The following MFSD12 variants were observed in gnomAD, a reference collection of about 807,000 sequenced individuals.
MFSD12 encodes the protein major facilitator superfamily domain containing 12.
Under a neutral mutation model 51.2 loss-of-function variants are expected in MFSD12, and 67 were observed. That is an observed-to-expected ratio of 1.31 (90% CI 1.08 to 1.60). The LOEUF is 1.60. Ranked by LOEUF, MFSD12 falls within the 40% of genes most tolerant of loss-of-function variation. The pLI is 0.00. For synonymous variants in MFSD12, 441 were observed against 316.7 expected, an observed-to-expected ratio of 1.39 and a Z score of -4.17; for missense variants, 921 against 673.0, an observed-to-expected ratio of 1.37 and a Z score of -4.08.
chr19:3,547,861 G>A lies in MFSD12; in HGVS notation c.824C>T (p.Pro275Leu), dbSNP rs774454475. 35 of 1,513,478 alleles carry A rather than the reference G, an allele frequency of 2.3e-5. No homozygotes were observed. Among genetic ancestry groups the A allele is most frequent in the Admixed American group, 1.0e-4 (4 of 38,210 alleles). The allele number at this position is 1,513,478 out of a possible 1,614,324, so 93.8% of individuals were successfully genotyped here. ...LLLWKHWLRE[P>L]AFYQVGILYM... ...CCCAGCACGCACCTGGTAGAAAGCC[G>A]GCTCCCGGAGCCAGTGCTTCCAGAG... Residue 275 changes from proline (P) to leucine (L), a missense_variant, in exon 4 of 10, where the codon CCG becomes CTG. Coordinates refer to ENST00000355415, the MANE Select transcript of MFSD12 (RefSeq NM_174983.5).
At position 3,546,419 on chromosome 19, in the gene MFSD12, A is replaced by G. The variant is rs1433749835; in HGVS notation, c.1030T>C (p.Tyr344His). The part of the protein sequence containing the change: ...INKCIGRNMT[Y>H]FSGLLVILAF... ...AGGATCACCAGGAGGCCTGAGAAGT[A>G]GGTCATCTGCAGGGACAGCCCCGGG... The change falls in exon 7 of 10, where the codon TAC becomes CAC. Residue 344 changes from tyrosine (Y) to histidine (H), a missense_variant. Coordinates refer to ENST00000355415, the MANE Select transcript of MFSD12 (RefSeq NM_174983.5). 2 of 1,605,154 alleles carry G rather than the reference A, an allele frequency of 1.2e-6. No homozygotes were observed. The highest frequency in any genetic ancestry group is 2.2e-5 in the South Asian group (2 of 89,812).
downstream of MFSD12, chr19:3,541,484 G>C: frequency 6.0e-6 from 1 of 165,598 alleles, no homozygotes; most frequent in Non-Finnish European, 1.2e-5. Context: ...CACCACGCCC[G>C]GCTAATTTTT....
Position 3,546,167 on chromosome 19 carries a change from T to C in MFSD12, c.1196A>G (p.Asn399Ser), listed in dbSNP as rs769403603. 3 of 1,612,896 alleles carry C rather than the reference T, an allele frequency of 1.9e-6. No homozygotes were observed. The highest frequency in any genetic ancestry group is 8.5e-7 in the Non-Finnish European group (1 of 1,179,794). ...GGAGCCGTACACGAACGCTCCGCTG[T>C]TCTGTGGAGACACAGGCGAGGTGGT... ...MTADLIGPHT[N>S]SGAFVYGSMS... is the part of the protein sequence containing the mutation. Residue 399 changes from asparagine to serine, a missense_variant and splice_region_variant, in exon 8 of 10, where the codon AAC becomes AGC. Asn to Ser is a conservative substitution (Grantham distance 46). Transcript: ENST00000355415.
downstream of MFSD12, chr19:3,544,094 A>C: frequency 1.4e-6 from 2 of 1,439,458 alleles, no homozygotes; most frequent in Non-Finnish European, 9.2e-7. Context: ...GAGGCTCGGG[A>C]CAGAGGCAGA....
chr19:3,538,436 T>C (rs2030078833), exon 5 of MFSD12: 1 of 315,334 alleles, frequency 3.2e-6, no homozygotes, highest in Non-Finnish European at 6.3e-6. Context: ...TGTCACCTAG[T>C]CACCCCCAGG....
At position 3,546,347 on chromosome 19, in the gene MFSD12, C is replaced by T. The variant is rs201744425; in HGVS notation, c.1102G>A (p.Val368Met). Reference sequence around the variant, plus strand: ...CCCAGCAGCACAGCCGCTGCGTACACGGCCACACCCAGTCCCTCCGCCAGC... The same window carrying T: ...CCCAGCAGCACAGCCGCTGCGTACATGGCCACACCCAGTCCCTCCGCCAGC... ...VALAEGLGVA[V>M]YAAAVLLGAG... is the part of the protein sequence containing the mutation. Residue 368 changes from valine to methionine, a missense_variant, in exon 7 of 10, where the codon GTG (valine) becomes ATG (methionine). Physicochemically the swap from Val to Met is conservative, Grantham distance 21. Transcript: ENST00000355415. 1,079 of 1,607,720 alleles carry T rather than the reference C, an allele frequency of 6.7e-4. 4 individuals carry two copies. Among genetic ancestry groups the T allele is most frequent in the African/African-American group, 6.4e-3 (479 of 75,024 alleles).
At chr19:3,546,222 C>A (rs947995789) in intron 7 of MFSD12, 33 bp downstream of exon 7, 5 of 1,606,400 alleles carry the variant, frequency 3.1e-6, no homozygotes, top group Non-Finnish European at 4.3e-6. Context: ...TAGGACCCGG[C>A]CTCCCCCACC....
At chr19:3,539,610 C>G (rs2030194003), downstream of MFSD12, 1 of 264,020 alleles carries the variant, frequency 3.8e-6, no homozygotes, top group Non-Finnish European at 7.2e-6. Flanking sequence ...ACACCTCTTG[C>G]AGCCCGTGGT....
At position 3,546,122 on chromosome 19, in the gene MFSD12, ACCTTAT is replaced by A; in HGVS notation, c.1235_1240del (p.Asp412_Lys413del). 3 of 1,613,324 alleles carry A rather than the reference ACCTTAT, an allele frequency of 1.9e-6. No homozygotes were observed. The highest frequency in any genetic ancestry group is 1.7e-6 in the Non-Finnish European group (2 of 1,179,994). On this transcript the variant is annotated inframe_deletion, in exon 8 of 10. Coordinates refer to ENST00000355415, the MANE Select transcript of MFSD12 (RefSeq NM_174983.5). ...GGCCATGACTGCCAGCCCATTGGCC[ACCTTAT>A]CCAAGAAGCTCATGGAGCCGTACAC... is the stretch of plus-strand genomic sequence containing the variant.
At chr19:3,554,740 G>T (rs1195159676) in intron 1 of MFSD12, among the ~76,000 whole-genome samples, 2 of 152,218 alleles carry the variant, frequency 1.3e-5, no homozygotes, top group African/African-American at 4.8e-5. Context: ...TCTGAGGGTC[G>T]TCTCGGGATT....
chr19:3,543,157 AC>A (rs1217446577), downstream of MFSD12: 5 of 1,514,216 alleles, frequency 3.3e-6, no homozygotes, highest in Non-Finnish European at 4.4e-6. Flanking sequence ...TACATCATCC[AC>A]CCTGGCAGAC....
chr19:3,544,041 C>G (rs947870389), downstream of MFSD12: 5 of 1,505,472 alleles, frequency 3.3e-6, no homozygotes, highest in African/African-American at 6.9e-5. Flanking sequence ...CCCACTGTCT[C>G]TGCACCCAGA....
chr19:3,542,343 T>C, downstream of MFSD12: 2 of 985,410 alleles, frequency 2.0e-6, no homozygotes, highest in Non-Finnish European at 2.4e-6. Context: ...AACCGGGCTT[T>C]CCGTGCAGGG....
At chr19:3,548,643 T>C (rs1776941888) in intron 2 of MFSD12, among the ~76,000 whole-genome samples, 2 of 152,002 alleles carry the variant, frequency 1.3e-5, no homozygotes, top group African/African-American at 4.8e-5. Flanking sequence ...TCTAGAACCA[T>C]CCAGGCCAGC....
In MFSD12 at chr19:3,548,005, A is replaced by C; in HGVS notation, c.680T>G (p.Val227Gly). Residue 227 changes from valine to glycine, a missense_variant, in exon 4 of 10, where the codon GTC (valine) becomes GGC (glycine). Val to Gly is a moderately radical substitution (Grantham distance 109). Coordinates refer to ENST00000355415, the MANE Select transcript of MFSD12 (RefSeq NM_174983.5). ...GAATAGCAGTGAGAACACGGCGCCGACACCCACCACCAGCAGGGACAGGTT... is the reference window on the plus strand; with the variant it reads ...GAATAGCAGTGAGAACACGGCGCCGCCACCCACCACCAGCAGGGACAGGTT... ...FRNLSLLVVG[V>G]GAVFSLLFHL... 6 of 1,598,936 alleles carry C rather than the reference A, an allele frequency of 3.8e-6. No homozygotes were observed. Among genetic ancestry groups the C allele is most frequent in the Non-Finnish European group, 5.1e-6 (6 of 1,179,342 alleles).
At chr19:3,538,576 T>A in exon 5 of MFSD12, 1 of 407,028 alleles carries the variant, frequency 2.5e-6, no homozygotes, top group South Asian at 1.8e-5. Context: ...GAGCGTGACA[T>A]CCTCAAGGTG....
chr19:3,550,108 A>G (rs534300534), intron 2 of MFSD12, among the ~76,000 whole-genome samples: 1 of 152,214 alleles, frequency 6.6e-6, no homozygotes, highest in African/African-American at 2.4e-5. Context: ...ACGTGAGCAT[A>G]GAGGAGGGAC....
chr19:3,544,778 T>G (rs371360921), intron 9 of MFSD12, 31 bp downstream of exon 9: 1 of 1,525,832 alleles, frequency 6.6e-7, no homozygotes, highest in Non-Finnish European at 9.0e-7. Context: ...TGGGTCAGTG[T>G]CTGGGGAGGG....
intron 2 of MFSD12, among the ~76,000 whole-genome samples, chr19:3,549,319 T>C (rs1271199485): frequency 1.3e-5 from 2 of 152,198 alleles, no homozygotes; most frequent in Non-Finnish European, 2.9e-5. Context: ...AAGTCCACCA[T>C]GGATGTTACT....
Sources: gnomAD v4.1 joint callset for allele counts (sites outside exome capture counted in the v4.1 genomes callset) on GRCh38, gnomAD v4.1.1 for gene constraint, MANE v1.5 for transcripts, NCBI Gene and HGNC (gene_info 2026-07-23, HGNC 2026-07-21) for gene names.